The following ARSG variants were observed in gnomAD, a reference collection of about 807,000 sequenced individuals.
ARSG encodes the protein arylsulfatase G.
In ARSG, 37 loss-of-function variants were observed where a neutral mutation model predicts 50.5. The ratio of observed to expected loss-of-function variants is 0.73; its 90% CI spans 0.56 to 0.96. The LOEUF (loss-of-function observed/expected upper bound fraction) is 0.96. Among genes scored for constraint, ARSG ranks in the 50% least tolerant of loss-of-function variants. The probability of loss-of-function intolerance (pLI) is 0.00; values close to 1 mark genes in which losing one functional copy is unlikely to be tolerated. For synonymous variants in ARSG, 225 were observed against 254.6 expected (o/e 0.88, Z 1.11); for missense variants, 629 against 675.3 (o/e 0.93, Z 0.76).
intron 2 of ARSG, among the ~76,000 whole-genome samples, chr17:68,340,506 G>C (rs542676744): frequency 6.6e-6 from 1 of 152,024 alleles, no homozygotes; most frequent in Non-Finnish European, 1.5e-5. Context: ...GGCTGGTCTC[G>C]AACTCCTGGC....
chr17:68,321,660 C>A (rs1170695828), intron 2 of ARSG, among the ~76,000 whole-genome samples: 3 of 152,156 alleles, frequency 2.0e-5, no homozygotes, highest in Non-Finnish European at 4.4e-5. Flanking sequence ...TTTGTGGCAG[C>A]CTTTCCAGTG....
the ARSG span, chr17:68,430,296 A>G: frequency 1.2e-6 from 1 of 812,500 alleles, no homozygotes; most frequent in Non-Finnish European, 1.9e-6. Context: ...TGTTCTGCCC[A>G]CTGAGAACAA....
intron 2 of ARSG, among the ~76,000 whole-genome samples, chr17:68,322,699 G>T (rs1336995199): frequency 6.6e-6 from 1 of 152,140 alleles, no homozygotes; most frequent in Non-Finnish European, 1.5e-5. Context: ...AGCCCACGGG[G>T]AGATTACATT....
At chr17:68,447,915 C>T in the ARSG span, among the ~76,000 whole-genome samples, 4 of 143,790 alleles carry the variant, frequency 2.8e-5, no homozygotes, top group South Asian at 8.7e-4. Flanking sequence ...ATTGCTTGAA[C>T]ACGGGAGGTA....
chr17:68,439,297 A>G, the ARSG span, among the ~76,000 whole-genome samples: 2 of 152,374 alleles, frequency 1.3e-5, no homozygotes, highest in South Asian at 4.1e-4. Flanking sequence ...ATTATCCAGC[A>G]AGAAAAATAA....
chr17:68,266,431 T>G (rs1203770897), intron 1 of ARSG, among the ~76,000 whole-genome samples: 1 of 57,462 alleles, frequency 1.7e-5, no homozygotes, highest in Admixed American at 2.0e-4. Context: ...TATATGTATA[T>G]ATATACTTTT....
chr17:68,297,130 G>A (rs1952392331), intron 1 of ARSG, among the ~76,000 whole-genome samples: 1 of 152,116 alleles, frequency 6.6e-6, no homozygotes, highest in Non-Finnish European at 1.5e-5. Context: ...TGAGCACCTA[G>A]CTAGCCAAGC....
the ARSG span, among the ~76,000 whole-genome samples, chr17:68,432,139 AT>A: frequency 1.3e-5 from 2 of 152,170 alleles, no homozygotes; most frequent in Non-Finnish European, 2.9e-5. Context: ...ACCTGTGCAG[AT>A]TGGGGGTTGG....
chr17:68,326,078 G>T (rs527874410), intron 2 of ARSG, among the ~76,000 whole-genome samples: 1 of 152,340 alleles, frequency 6.6e-6, no homozygotes, highest in African/African-American at 2.4e-5. Context: ...GCAGTGACAA[G>T]ACTAGGCAGA....
intron 1 of ARSG, chr17:68,268,109 T>C (rs1235079367): frequency 1.3e-5 from 2 of 152,208 alleles, no homozygotes; most frequent in African/African-American, 2.4e-5. Context: ...GGAAGAATCA[T>C]GACAACTTGG....
At chr17:68,451,892 T>G in the ARSG span, among the ~76,000 whole-genome samples, 1 of 152,240 alleles carries the variant, frequency 6.6e-6, no homozygotes, top group South Asian at 2.1e-4. Flanking sequence ...TCTTTTCATA[T>G]GTGTGCCTTT....
the ARSG span, among the ~76,000 whole-genome samples, chr17:68,444,839 C>T: frequency 6.6e-6 from 1 of 151,654 alleles, no homozygotes; most frequent in African/African-American, 2.4e-5. Context: ...TACTTCTCTC[C>T]TTCCTTCTTC....
chr17:68,273,771 A>G (rs1555749930), intron 1 of ARSG: 2 of 841,670 alleles, frequency 2.4e-6, no homozygotes, highest in East Asian at 2.6e-5. Flanking sequence ...TGAAGTCCAT[A>G]TAGCTCAGTT....
the ARSG span, chr17:68,433,517 T>C: frequency 6.2e-7 from 1 of 1,614,008 alleles, no homozygotes; most frequent in Admixed American, 1.7e-5. Flanking sequence ...TCGGTGTTAC[T>C]GGAGGCGCAG....
At chr17:68,304,938 T>C (rs1188407142) in intron 1 of ARSG, among the ~76,000 whole-genome samples, 2 of 151,906 alleles carry the variant, frequency 1.3e-5, no homozygotes, top group Non-Finnish European at 2.9e-5. Flanking sequence ...CTTTGAGAGG[T>C]TGAGGTGGGA....
the ARSG span, among the ~76,000 whole-genome samples, chr17:68,433,224 C>T: frequency 9.6e-4 from 147 of 152,350 alleles, no homozygotes; most frequent in Middle Eastern, 3.4e-3. Context: ...ATTATCTTCC[C>T]GGGATCTCTG....
intron 9 of ARSG, among the ~76,000 whole-genome samples, chr17:68,390,019 C>A (rs898868200): frequency 1.3e-5 from 2 of 151,946 alleles, no homozygotes; most frequent in African/African-American, 4.8e-5. Context: ...TGGAGTTTCA[C>A]TCTTGTCACC....
chr17:68,317,786 A>G (rs2145791730), intron 2 of ARSG, among the ~76,000 whole-genome samples: 1 of 152,312 alleles, frequency 6.6e-6, no homozygotes, highest in African/African-American at 2.4e-5. Flanking sequence ...GGACTTAGTA[A>G]TCAACTAAAA....
intron 11 of ARSG, among the ~76,000 whole-genome samples, chr17:68,403,973 C>G (rs1432615875): frequency 6.7e-6 from 1 of 150,192 alleles, no homozygotes; most frequent in Non-Finnish European, 1.5e-5. Context: ...TTTTTTTGTT[C>G]TTGTGATAGT....
Sources: allele counts gnomAD v4.1 joint callset (sites outside exome capture counted in the v4.1 genomes callset), GRCh38; gene constraint gnomAD v4.1.1; transcripts MANE v1.5; gene names NCBI Gene and HGNC (gene_info 2026-07-23, HGNC 2026-07-21).